The following SLC22A15 variants were observed in gnomAD, a reference collection of about 807,000 sequenced individuals.
SLC22A15 encodes the protein flipt 1.
SLC22A15 carries 45 observed loss-of-function variants against 62.7 expected under a neutral mutation model. The ratio of observed to expected loss-of-function variants is 0.72; its 90% CI spans 0.56 to 0.92. SLC22A15 has a LOEUF of 0.92. SLC22A15 is among the 40% of genes least tolerant of loss of function. The probability of loss-of-function intolerance (pLI) is 0.00; values close to 1 mark genes in which losing one functional copy is unlikely to be tolerated. For synonymous variants in SLC22A15, 264 were observed against 267.0 expected, an observed-to-expected ratio of 0.99 and a Z score of 0.11; for missense variants, 622 against 665.6, an observed-to-expected ratio of 0.93 and a Z score of 0.72.
intron 1 of SLC22A15, among the ~76,000 whole-genome samples, chr1:115,990,490 T>C (rs980743853): frequency 1.3e-5 from 2 of 152,240 alleles, no homozygotes; most frequent in Non-Finnish European, 2.9e-5. Flanking sequence ...GTGTAATCTA[T>C]CTGTTCTTAT....
At chr1:116,052,875 A>G (rs572906239) in intron 8 of SLC22A15, among the ~76,000 whole-genome samples, 106 of 152,314 alleles carry the variant, frequency 7.0e-4, no homozygotes, top group African/African-American at 2.4e-3. Flanking sequence ...ACTAACAAAC[A>G]GAAAGGACAT....
At chr1:116,056,962 A>T (rs1658226656) in intron 8 of SLC22A15, among the ~76,000 whole-genome samples, 1 of 151,944 alleles carries the variant, frequency 6.6e-6, no homozygotes, top group East Asian at 1.9e-4. Context: ...GCTAGAAGAA[A>T]ACCTAGGCAT....
At position 116,058,942 on chromosome 1, in the gene SLC22A15, G is replaced by C. The variant is rs377065167; in HGVS notation, c.1172-3820G>C. On this transcript the variant is annotated intron_variant, in intron 8 of 11. Transcript: ENST00000369503. The stretch of plus-strand genomic sequence containing the variant: ...GACGCAAAAGCATAAGAATGATACA[G>C]TGGACTTTGGGGACTTGGAGGGAAG... Among the ~76,000 whole-genome samples the C allele has an allele frequency of 3.3e-5, 5 of 152,272 alleles. No individual in the cohort carries two copies. The East Asian group carries it at 7.7e-4, about 23-fold the overall frequency.
intron 1 of SLC22A15, among the ~76,000 whole-genome samples, chr1:115,983,253 T>G (rs1454353437): frequency 6.6e-6 from 1 of 152,270 alleles, no homozygotes; most frequent in Non-Finnish European, 1.5e-5. Context: ...CATTTTCTTT[T>G]AAAACTTCTT....
At chr1:116,047,351 C>G (rs763688458) in intron 8 of SLC22A15, among the ~76,000 whole-genome samples, 1 of 152,146 alleles carries the variant, frequency 6.6e-6, no homozygotes, top group Non-Finnish European at 1.5e-5. Flanking sequence ...CGCTTGAACC[C>G]GGGAGGCGGA....
At chr1:116,004,173 T>C (rs1655865764) in intron 2 of SLC22A15, among the ~76,000 whole-genome samples, 1 of 152,222 alleles carries the variant, frequency 6.6e-6, no homozygotes, top group Admixed American at 6.5e-5. Context: ...CCCATCTCTT[T>C]GGCTGCAGCA....
In SLC22A15 at chr1:115,985,803, T is replaced by C. The variant is rs948883486; in HGVS notation, c.88-6228T>C. Among the ~76,000 whole-genome samples the C allele has an allele frequency of 2.6e-5, 4 of 151,678 alleles. No individual in the cohort carries two copies. In the South Asian group the frequency reaches 8.4e-4, roughly 32 times the overall value. ...CTCTACTAAAAATACAAAAATTAGC[T>C]GGGTGTGGTGGCGGGTGCCTGTAAT... On this transcript the variant is annotated intron_variant, in intron 1 of 11. Transcript: ENST00000369503.
At chr1:115,996,392 A>G (rs565694927) in intron 2 of SLC22A15, among the ~76,000 whole-genome samples, 23 of 152,304 alleles carry the variant, frequency 1.5e-4, no homozygotes, top group African/African-American at 5.5e-4. Context: ...TTAAACCTGC[A>G]TATCAATTTG....
At chr1:115,997,772 G>T (rs879841343) in intron 2 of SLC22A15, among the ~76,000 whole-genome samples, 7 of 151,878 alleles carry the variant, frequency 4.6e-5, no homozygotes, top group Admixed American at 6.6e-5. Context: ...TTCCAATTTG[G>T]ATACTCTTTA....
Position 116,020,803 on chromosome 1 carries a change from G to A in SLC22A15, c.516G>A (p.Val172=). The change falls in exon 4 of 12, where the codon GTG becomes GTA. Residue 172 remains valine, a synonymous_variant. Coordinates refer to ENST00000369503, the MANE Select transcript of SLC22A15 (RefSeq NM_018420.3). ...YEFFAVTRFL[V]GMMNGGMSLV... is the part of the protein sequence containing the mutation. ...TCTTTGCAGTAACTCGCTTCCTGGT[G>A]GGCATGATGAATGGAGGGATGTCGC... 1 of 1,613,732 alleles carries A rather than the reference G, an allele frequency of 6.2e-7. No homozygotes were observed. Among genetic ancestry groups the A allele is most frequent in the East Asian group, 2.2e-5 (1 of 44,864 alleles).
At chr1:115,987,279 C>T (rs1003897602) in intron 1 of SLC22A15, among the ~76,000 whole-genome samples, 1 of 151,590 alleles carries the variant, frequency 6.6e-6, no homozygotes, top group Admixed American at 6.6e-5. Context: ...CATTCTCCTG[C>T]CTCAGCCTCC....
intron 2 of SLC22A15, among the ~76,000 whole-genome samples, chr1:116,008,653 C>T (rs1557883259): frequency 6.6e-6 from 1 of 152,182 alleles, no homozygotes; most frequent in African/African-American, 2.4e-5. Flanking sequence ...ATAAGATGCT[C>T]GCAGTCACCT....
intron 2 of SLC22A15, among the ~76,000 whole-genome samples, chr1:116,007,560 A>C (rs537398291): frequency 6.6e-6 from 1 of 152,292 alleles, no homozygotes; most frequent in Non-Finnish European, 1.5e-5. Context: ...TGTGGGTAAG[A>C]AGATAAGTTT....
intron 5 of SLC22A15, among the ~76,000 whole-genome samples, chr1:116,028,811 G>C (rs1657233796): frequency 6.6e-6 from 1 of 152,128 alleles, no homozygotes; most frequent in Non-Finnish European, 1.5e-5. Context: ...ACTCAGTGCT[G>C]TGTCTGCTTT....
chr1:115,999,870 CTT>C (rs1174182589), intron 2 of SLC22A15, among the ~76,000 whole-genome samples: 1 of 152,056 alleles, frequency 6.6e-6, no homozygotes, highest in African/African-American at 2.4e-5. Context: ...TATCTTGTCT[CTT>C]TTTAAAATTT....
intron 1 of SLC22A15, among the ~76,000 whole-genome samples, chr1:115,988,810 G>C (rs1655010426): frequency 6.6e-6 from 1 of 152,042 alleles, no homozygotes; most frequent in Admixed American, 6.6e-5. Context: ...TGGGATTACA[G>C]GTGTGAGCCA....
intron 1 of SLC22A15, among the ~76,000 whole-genome samples, chr1:115,979,217 A>G (rs1654474537): frequency 6.6e-6 from 1 of 152,230 alleles, no homozygotes; most frequent in African/African-American, 2.4e-5. Flanking sequence ...GTTTTTGGTT[A>G]ACTGTTTTCT....
intron 6 of SLC22A15, chr1:116,032,459 A>G: frequency 1.0e-6 from 1 of 985,430 alleles, no homozygotes; most frequent in African/African-American, 1.7e-5. Context: ...CCTACATTTC[A>G]TGCAGGGATA....
intron 8 of SLC22A15, among the ~76,000 whole-genome samples, chr1:116,049,603 G>A (rs1372010320): frequency 6.6e-6 from 1 of 152,128 alleles, no homozygotes; most frequent in Non-Finnish European, 1.5e-5. Context: ...CAAAGGCAGT[G>A]CTAAGAGGAA....
Sources: allele counts gnomAD v4.1 joint callset (sites outside exome capture counted in the v4.1 genomes callset), GRCh38; gene constraint gnomAD v4.1.1; transcripts MANE v1.5; gene names NCBI Gene and HGNC (gene_info 2026-07-23, HGNC 2026-07-21).